GNAZ: variants seen among roughly 807,000 people sequenced by gnomAD.
GNAZ encodes guanine nucleotide-binding protein G(z) subunit alpha.
GNAZ carries 3 observed loss-of-function variants against 25.4 expected under a neutral mutation model. That is an observed-to-expected ratio of 0.12 (90% confidence interval 0.05 to 0.30). GNAZ has a LOEUF of 0.30. GNAZ is among the 10% of genes least tolerant of loss of function. The pLI is 1.00. For missense variants in GNAZ, 241 were observed against 501.8 expected (o/e 0.48, Z 4.97); for synonymous variants, 211 against 205.7 (o/e 1.03, Z -0.22).
intron 1 of GNAZ, among the ~76,000 whole-genome samples, chr22:23,092,361 T>C (rs1044364236): frequency 1.3e-5 from 2 of 152,122 alleles, no homozygotes; most frequent in African/African-American, 2.4e-5. Flanking sequence ...CCCTGTCCCA[T>C]GCGTGGTGCC....
At position 23,095,682 on chromosome 22, in the gene GNAZ, G is replaced by A. The variant is rs369758092; in HGVS notation, c.-14G>A. 8.7e-5 allele frequency: 138 copies of A among 1,591,982 alleles called. No individual in the cohort carries two copies. The highest frequency in any genetic ancestry group is 2.0e-4 in the South Asian group (18 of 87,892). Reference sequence around the variant, plus strand: ...CATCCCGTGCTCCTTGTCTGGGCCCGCTGCTGCCAGACCATGGGATGTCGG... The same window carrying A: ...CATCCCGTGCTCCTTGTCTGGGCCCACTGCTGCCAGACCATGGGATGTCGG... On this transcript the variant is annotated 5_prime_UTR_variant, in exon 2 of 3. Coordinates refer to ENST00000615612, the MANE Select transcript of GNAZ (RefSeq NM_002073.4).
Position 23,095,996 on chromosome 22 carries a change from G to A in GNAZ, c.301G>A (p.Ala101Thr), listed in dbSNP as rs1346089765. The A allele has an allele frequency of 2.5e-6, 4 of 1,609,096 alleles. No homozygotes were observed. The highest frequency in any genetic ancestry group is 1.3e-5 in the African/African-American group (1 of 75,064). ...GATCGACTTCCACAACCCCGACCGC[G>A]CCTACGACGCTGTGCAGCTCTTTGC... Reference protein sequence around the residue: ...LRIDFHNPDRAYDAVQLFALT... With the variant: ...LRIDFHNPDRTYDAVQLFALT... Residue 101 changes from alanine (A) to threonine (T), a missense_variant, in exon 2 of 3, where the codon GCC becomes ACC. Transcript: ENST00000615612.
At position 23,124,425 on chromosome 22, in the gene GNAZ, T is replaced by G. The variant is rs1028150443; in HGVS notation, c.*994T>G. The G allele has an allele frequency of 2.1e-6, 1 of 469,862 alleles. No individual in the cohort carries two copies. The highest frequency in any genetic ancestry group is 2.0e-5 in the African/African-American group (1 of 50,076). The allele number at this position is 469,862 out of a possible 1,614,324, so 29.1% of individuals were successfully genotyped here. A position where few individuals can be genotyped will look rare whatever the true frequency, so the allele number is the denominator to read the frequency against. ...AAAGAAATTTTGGAGTGAGTGGCAG[T>G]CCTGCGCCAGCCTCGCGGGACACGT... On this transcript the variant is annotated 3_prime_UTR_variant, in exon 3 of 3. Transcript: ENST00000615612.
intron 2 of GNAZ, among the ~76,000 whole-genome samples, chr22:23,097,207 A>C (rs1445438963): frequency 6.6e-6 from 1 of 152,098 alleles, no homozygotes; most frequent in Non-Finnish European, 1.5e-5. Flanking sequence ...GGAGTCACGA[A>C]GTTGTGGGTA....
chr22:23,099,535 C>G (rs1210749193), intron 2 of GNAZ, among the ~76,000 whole-genome samples: 2 of 152,232 alleles, frequency 1.3e-5, no homozygotes, highest in African/African-American at 2.4e-5. Flanking sequence ...TGTGGGGCAG[C>G]AGCGCCTGTT....
chr22:23,081,953 A>G (rs1857574776), intron 1 of GNAZ, among the ~76,000 whole-genome samples: 1 of 150,416 alleles, frequency 6.6e-6, no homozygotes, highest in South Asian at 2.1e-4. Flanking sequence ...GTGAAACCTC[A>G]TCTCTACTAA....
intron 2 of GNAZ, among the ~76,000 whole-genome samples, chr22:23,114,707 G>A (rs1169199610): frequency 6.6e-6 from 1 of 152,220 alleles, no homozygotes; most frequent in African/African-American, 2.4e-5. Flanking sequence ...TGTGTGTGTG[G>A]TTATTTTTTT....
At chr22:23,088,318 GC>G (rs1460265830) in intron 1 of GNAZ, among the ~76,000 whole-genome samples, 2 of 152,144 alleles carry the variant, frequency 1.3e-5, no homozygotes, top group Non-Finnish European at 2.9e-5. Context: ...TGGGGTTGGA[GC>G]CTTACCCACT....
At position 23,071,170 on chromosome 22, in the gene GNAZ, A is replaced by G. The variant is rs999970270; in HGVS notation, c.-450+600A>G. Among the ~76,000 whole-genome samples the G allele has an allele frequency of 1.3e-5, 2 of 151,990 alleles. No homozygotes were observed. The highest frequency in any genetic ancestry group is 2.9e-5 in the Non-Finnish European group (2 of 67,990). On this transcript the variant is annotated intron_variant, in intron 1 of 2. Transcript: ENST00000615612. This position sits in a 1 kb window ranked among gnomAD's most constrained non-coding sequence, Gnocchi z 4.1. ...TGAGTATCGACCTGCTGCGATTGTA[A>G]TACGTTCCCGGCTCAATATTTTTTC...
chr22:23,097,044 G>A (rs976960261), intron 2 of GNAZ, among the ~76,000 whole-genome samples: 2 of 152,324 alleles, frequency 1.3e-5, no homozygotes, highest in Non-Finnish European at 2.9e-5. Context: ...TCTAGCACAC[G>A]AAGGGGGCCA....
rs755459742 is a variant in GNAZ at position 23,095,974 on chromosome 22, C to T, written c.279C>T (p.Ile93=). Residue 93 remains isoleucine (I), a synonymous_variant, in exon 2 of 3, where the codon ATC becomes ATT. Transcript: ENST00000615612. ...TCCGGGCCCTGGCCGCCCTCAGGAT[C>T]GACTTCCACAACCCCGACCGCGCCT... ...RIIRALAALR[I]DFHNPDRAYD... 13 of 1,611,162 alleles carry T rather than the reference C, an allele frequency of 8.1e-6. No homozygotes were observed. The South Asian group carries it at 1.1e-4, about 14-fold the overall frequency.
chr22:23,122,672 G>A (rs1473039210), intron 2 of GNAZ: 2 of 198,576 alleles, frequency 1.0e-5, no homozygotes, highest in Non-Finnish European at 2.1e-5. Context: ...TGTGACGGGG[G>A]CTCCTGCAGA....
intron 1 of GNAZ, among the ~76,000 whole-genome samples, chr22:23,078,406 A>T (rs2068568309): frequency 6.6e-6 from 1 of 152,216 alleles, no homozygotes; most frequent in Non-Finnish European, 1.5e-5. Flanking sequence ...TGGCTGGGAC[A>T]CAGAGGCACT....
chr22:23,088,951 G>A (rs1377789967), intron 1 of GNAZ, among the ~76,000 whole-genome samples: 2 of 152,230 alleles, frequency 1.3e-5, no homozygotes, highest in African/African-American at 2.4e-5. Flanking sequence ...CCCAGTCACA[G>A]TCTGGGTACA....
intron 2 of GNAZ, among the ~76,000 whole-genome samples, chr22:23,118,182 C>A (rs1366781855): frequency 2.6e-5 from 4 of 152,194 alleles, no homozygotes; most frequent in African/African-American, 9.7e-5. Context: ...GAAATGACTT[C>A]CACACCACCC....
At chr22:23,119,016 G>A (rs757198055) in intron 2 of GNAZ, among the ~76,000 whole-genome samples, 1 of 152,156 alleles carries the variant, frequency 6.6e-6, no homozygotes, top group Admixed American at 6.5e-5. Context: ...GGGCTATGAG[G>A]CCAGGCCCTG....
At chr22:23,106,832 G>T (rs1399578609) in intron 2 of GNAZ, among the ~76,000 whole-genome samples, 2 of 152,232 alleles carry the variant, frequency 1.3e-5, no homozygotes, top group African/African-American at 2.4e-5. Context: ...GGCAAAGTGG[G>T]GGCCTTCTGA....
chr22:23,096,002 G>C lies in GNAZ; in HGVS notation c.307G>C (p.Asp103His). 1 of 1,608,938 alleles carries C rather than the reference G, an allele frequency of 6.2e-7. No individual in the cohort carries two copies. The highest frequency in any genetic ancestry group is 8.5e-7 in the Non-Finnish European group (1 of 1,179,982). ...IDFHNPDRAY[D>H]AVQLFALTGP... The stretch of plus-strand genomic sequence containing the variant: ...CTTCCACAACCCCGACCGCGCCTAC[G>C]ACGCTGTGCAGCTCTTTGCGCTGAC... The change falls in exon 2 of 3, where the codon GAC (aspartate) becomes CAC (histidine). Residue 103 changes from aspartate (D) to histidine (H), a missense_variant. By Grantham distance (81) the Asp-to-His change is moderately conservative. Transcript: ENST00000615612.
intron 2 of GNAZ, among the ~76,000 whole-genome samples, chr22:23,111,314 G>C (rs1453057967): frequency 2.6e-5 from 4 of 152,118 alleles, no homozygotes; most frequent in African/African-American, 4.8e-5. Flanking sequence ...GTACCGAGCA[G>C]GGGGTGCGGC....
Sources: gnomAD v4.1 joint callset for allele counts (sites outside exome capture counted in the v4.1 genomes callset) on GRCh38, gnomAD v4.1.1 for gene constraint, Gnocchi (gnomAD v3.1) non-coding constraint, MANE v1.5 for transcripts, NCBI Gene and HGNC (gene_info 2026-07-23, HGNC 2026-07-21) for gene names.